BUB1: variants seen among roughly 807,000 people sequenced by gnomAD.
The protein encoded by BUB1 is mitotic checkpoint serine/threonine-protein kinase BUB1.
Under a neutral mutation model 135.2 loss-of-function variants are expected in BUB1, and 84 were observed. The observed-to-expected ratio is 0.62, with a 90% CI of 0.52 to 0.74. The LOEUF (loss-of-function observed/expected upper bound fraction) is 0.74. BUB1 is among the 30% of genes least tolerant of loss of function. BUB1 has a pLI of 0.00. For synonymous variants in BUB1, 403 were observed against 434.4 expected (o/e 0.93, Z 0.90); for missense variants, 1,162 against 1,288.3 (o/e 0.90, Z 1.50).
At chr2:110,672,588 T>C (rs1690451126) in intron 4 of BUB1, 73 bp downstream of exon 4, 6 of 1,436,906 alleles carry the variant, frequency 4.2e-6, no homozygotes, top group Non-Finnish European at 4.7e-6. Context: ...AAATTGCTAA[T>C]GATACAATTT....
rs780401977 is a variant in BUB1, at chr2:110,667,625, AC to A, written c.700del (p.Val234LeufsTer21). On this transcript the variant is annotated frameshift_variant, in exon 8 of 25. Coordinates refer to ENST00000302759, the MANE Select transcript of BUB1 (RefSeq NM_004336.5). LOFTEE classifies it high-confidence loss of function. The stretch of plus-strand genomic sequence containing the variant: ...AAGCTTCTCCTTGCAATACATAACA[AC>A]CTGCTCAACATCAACTTTGGATGCC... ...SLASKVDVEQ[V>X]VMYCKEKLIR... The A allele has an allele frequency of 6.2e-7, 1 of 1,614,006 alleles. No individual in the cohort carries two copies. Among genetic ancestry groups the A allele is most frequent in the Non-Finnish European group, 8.5e-7 (1 of 1,179,968 alleles).
In BUB1 at chr2:110,663,736, A is replaced by C. The variant is rs73954653; in HGVS notation, c.958-1895T>G. On this transcript the variant is annotated intron_variant, in intron 9 of 24. Transcript: ENST00000302759. The stretch of plus-strand genomic sequence containing the variant: ...AGGAACATTGTAAAATTCTGTTTAA[A>C]AGCAGATGCTGGCCGGGCACTGTGG... Among the ~76,000 whole-genome samples the C allele has an allele frequency of 7.5e-3, 1,147 of 152,294 alleles. 20 individuals are homozygous for C. Among genetic ancestry groups the C allele is most frequent in the African/African-American group, 0.026 (1,093 of 41,554 alleles).
intron 8 of BUB1, 50 bp downstream of exon 8, chr2:110,667,471 G>C (rs1410624172): frequency 2.0e-6 from 3 of 1,526,278 alleles, no homozygotes; most frequent in Non-Finnish European, 2.7e-6. Context: ...CAGAGATGAG[G>C]ATTTTTTTAT....
Position 110,666,316 on chromosome 2 carries a change from G to A in BUB1, c.904C>T (p.Gln302Ter). The A allele has an allele frequency of 6.5e-7, 1 of 1,527,324 alleles. No individual in the cohort carries two copies. The highest frequency in any genetic ancestry group is 8.8e-7 in the Non-Finnish European group (1 of 1,134,882). The allele number at this position is 1,527,324 out of a possible 1,614,324, so 94.6% of individuals were successfully genotyped here. A position where few individuals can be genotyped will look rare whatever the true frequency, so the allele number is the denominator to read the frequency against. The change falls in exon 9 of 25, where the codon CAG becomes TAG. Residue 302 changes from glutamine (Q) to a stop codon, truncating the protein, a stop_gained. Coordinates refer to ENST00000302759, the MANE Select transcript of BUB1 (RefSeq NM_004336.5). LOFTEE classifies it high-confidence loss of function. Reference protein sequence around the residue: ...KMDELHKKLHQVVETSHEDLP... With the variant: ...KMDELHKKLH ...TCCTCATGGGATGTCTCCACCACCT[G>A]ATGCAACTTCTTATGAAGTTCATCC...
chr2:110,657,546 C>G lies in BUB1; in HGVS notation c.1616G>C (p.Gly539Ala). 6.3e-7 allele frequency: 1 copy of G among 1,591,788 alleles called. No homozygotes were observed. The highest frequency in any genetic ancestry group is 8.6e-7 in the Non-Finnish European group (1 of 1,168,530). The change falls in exon 14 of 25, where the codon GGA becomes GCA. Residue 539 changes from glycine (G) to alanine (A), a missense_variant and splice_region_variant. Transcript: ENST00000302759. ...VFEDGNKENY[G>A]LPQPKNKPTG... is the part of the protein sequence containing the mutation. ...CATTAACTAGATGGTATTTTTTTAC[C>G]CATAATTTTCTTTGTTTCCATCTTC...
intron 10 of BUB1, 166 bp downstream of exon 10, chr2:110,661,416 T>C: frequency 1.3e-6 from 1 of 773,444 alleles, no homozygotes; most frequent in Non-Finnish European, 2.0e-6. Flanking sequence ...CCTAAAGGAT[T>C]GGGAGCAATG....
In BUB1 at chr2:110,671,340, G is replaced by A. The variant is rs145681218; in HGVS notation, c.423-772C>T. 1.1e-3 allele frequency among the ~76,000 whole-genome samples: 160 copies of A among 152,214 alleles called. 1 individual carries two copies. The highest frequency in any genetic ancestry group is 3.6e-3 in the African/African-American group (149 of 41,540). On this transcript the variant is annotated intron_variant, in intron 4 of 24. Transcript: ENST00000302759. ...GAAAAATATTTTGCTGTTATGGATC[G>A]GCTTTAAAATTTGTCAGCATTGAGA...
intron 4 of BUB1, 26 bp from the exon 5 acceptor site, chr2:110,670,594 A>G: frequency 6.2e-7 from 1 of 1,611,648 alleles, no homozygotes; most frequent in South Asian, 1.1e-5. Flanking sequence ...AAAGGCATCA[A>G]TGTAGATTAT....
At chr2:110,665,567 ATGTT>A (rs1383038446) in intron 9 of BUB1, among the ~76,000 whole-genome samples, 15 of 143,880 alleles carry the variant, frequency 1.0e-4, no homozygotes, top group East Asian at 2.0e-4. Context: ...AAGAAAAAGA[ATGTT>A]TGTGTGTGTG....
chr2:110,674,752 T>C (rs1053287730), intron 1 of BUB1, among the ~76,000 whole-genome samples: 5 of 152,168 alleles, frequency 3.3e-5, no homozygotes, highest in Admixed American at 2.0e-4. Flanking sequence ...CTCAGACTCC[T>C]GCCCTTCCAG....
rs370687612 is a variant in BUB1 at position 110,661,547 on chromosome 2, C to T, written c.1217+35G>A. ...TAAAGAAGGTGACAGGTGCCACTCA[C>T]ATCACTGTGATCTCTAGGACTACCT... On this transcript the variant is annotated intron_variant, in intron 10 of 24. Transcript: ENST00000302759. 2.5e-6 allele frequency: 4 copies of T among 1,603,746 alleles called. No homozygotes were observed. The African/African-American group carries it at 5.4e-5, about 21-fold the overall frequency.
At chr2:110,657,414 C>A (rs1689961377) in intron 14 of BUB1, 132 bp downstream of exon 14, 3 of 663,082 alleles carry the variant, frequency 4.5e-6, no homozygotes, top group Admixed American at 7.1e-5. Flanking sequence ...TGGCAACACC[C>A]CCCTGGTTGT....
At position 110,674,183 on chromosome 2, in the gene BUB1, T is replaced by A. The variant is rs1191866289; in HGVS notation, c.128A>T (p.Glu43Val). 2 of 1,596,964 alleles carry A rather than the reference T, an allele frequency of 1.3e-6. No individual in the cohort carries two copies. Among genetic ancestry groups the A allele is most frequent in the Middle Eastern group, 1.7e-4 (1 of 6,024 alleles). Reference sequence around the variant, plus strand: ...ATGTTCTAGTAAAGTTATCAAGTATTCTTTATTCTCAGGAAAATTCTCTTC... The same window carrying A: ...ATGTTCTAGTAAAGTTATCAAGTATACTTTATTCTCAGGAAAATTCTCTTC... Reference protein sequence around the residue: ...WVEENFPENKEYLITLLEHLM... With the variant: ...WVEENFPENKVYLITLLEHLM... The change falls in exon 3 of 25, where the codon GAA (glutamate) becomes GTA (valine). Residue 43 changes from glutamate (E) to valine (V), a missense_variant. Coordinates refer to ENST00000302759, the MANE Select transcript of BUB1 (RefSeq NM_004336.5).
At chr2:110,656,433 G>C (rs1293453992) in intron 15 of BUB1, among the ~76,000 whole-genome samples, 1 of 151,924 alleles carries the variant, frequency 6.6e-6, no homozygotes, top group Non-Finnish European at 1.5e-5. Context: ...GCCTTTCCGA[G>C]TCTTTTTTGT....
At position 110,650,790 on chromosome 2, in the gene BUB1, C is replaced by A. The variant is rs368843962; in HGVS notation, c.1965-6G>T. 6.2e-7 allele frequency: 1 copy of A among 1,610,056 alleles called. No individual in the cohort carries two copies. On this transcript the variant is annotated splice_region_variant and splice_polypyrimidine_tract_variant and intron_variant, in intron 17 of 24. Transcript: ENST00000302759. ...GGCTTTTCTCTTGAATTGGACTGGA[C>A]GTGTGAAAGGAATAAAGAAACCAAA...
chr2:110,650,443 T>TG, intron 18 of BUB1, 103 bp downstream of exon 18: 1 of 1,028,034 alleles, frequency 9.7e-7, no homozygotes, highest in Non-Finnish European at 1.5e-6. Context: ...ACATCTGTTC[T>TG]ACTCAGTGAC....
intron 24 of BUB1, 78 bp downstream of exon 24, chr2:110,639,664 T>C: frequency 2.5e-6 from 3 of 1,184,424 alleles, no homozygotes; most frequent in African/African-American, 3.1e-5. Context: ...GAGATCCTTT[T>C]TTTTTTTTTG....
intron 9 of BUB1, among the ~76,000 whole-genome samples, chr2:110,663,954 G>A (rs538401835): frequency 7.9e-5 from 12 of 151,474 alleles, no homozygotes; most frequent in South Asian, 6.3e-4. Context: ...GCGTGAACCC[G>A]GGAGGCGGAG....
At chr2:110,651,868 C>T (rs1209128688) in intron 17 of BUB1, among the ~76,000 whole-genome samples, 1 of 152,120 alleles carries the variant, frequency 6.6e-6, no homozygotes, top group Non-Finnish European at 1.5e-5. Flanking sequence ...ATGTTTTTAG[C>T]CTATGAGCCA....
Sources: gnomAD v4.1 joint callset for allele counts (sites outside exome capture counted in the v4.1 genomes callset) on GRCh38, gnomAD v4.1.1 for gene constraint, MANE v1.5 for transcripts, NCBI Gene and HGNC (gene_info 2026-07-23, HGNC 2026-07-21) for gene names.